Variants in MDN1 observed in about 807,000 individuals in gnomAD.
MDN1 encodes midasin.
A neutral mutation model predicts 669.2 loss-of-function variants in MDN1; 266 were observed. That is an observed-to-expected ratio of 0.40 (90% CI 0.36 to 0.44). The LOEUF (loss-of-function observed/expected upper bound fraction) is 0.44, where lower values mean the gene tolerates loss of function less well. Ranked by LOEUF, MDN1 falls within the 20% of genes least tolerant of loss-of-function variation. MDN1 has a pLI of 1.00. For missense variants in MDN1, 5,940 were observed against 6,754.0 expected (o/e 0.88, Z 4.22); for synonymous variants, 2,385 against 2,457.1 (o/e 0.97, Z 0.87).
At chr6:89,755,094 A>G (rs1340445578) in intron 20 of MDN1, among the ~76,000 whole-genome samples, 1 of 152,174 alleles carries the variant, frequency 6.6e-6, no homozygotes, top group Non-Finnish European at 1.5e-5. Context: ...AGGCACTTAT[A>G]AAAGTTTACC....
intron 1 of MDN1, among the ~76,000 whole-genome samples, chr6:89,816,439 A>G (rs975975036): frequency 0.071 from 10 of 140 alleles, no homozygotes; most frequent in Admixed American, 0.25. Context: ...TTTGGGGGAA[A>G]AAAAAAAATC....
intron 5 of MDN1, among the ~76,000 whole-genome samples, chr6:89,791,579 C>T (rs1193272498): frequency 6.6e-6 from 1 of 152,094 alleles, no homozygotes; most frequent in Non-Finnish European, 1.5e-5. Flanking sequence ...ATTCTTTCTA[C>T]TTTGGAATAT....
At chr6:89,678,030 T>C (rs1281071126) in intron 75 of MDN1, among the ~76,000 whole-genome samples, 1 of 152,202 alleles carries the variant, frequency 6.6e-6, no homozygotes, top group African/African-American at 2.4e-5. Context: ...TCCCAGCACT[T>C]TGGGAGGCTG....
intron 75 of MDN1, 122 bp from the exon 76 acceptor site, chr6:89,677,818 T>C (rs1275823659): frequency 1.3e-5 from 17 of 1,314,370 alleles, no homozygotes; most frequent in Non-Finnish European, 1.7e-5. Flanking sequence ...TTGTTAGAAA[T>C]GCAGACTCTC....
chr6:89,808,817 C>A lies in MDN1; in HGVS notation c.103-5263G>T, dbSNP rs538686416. Among the ~76,000 whole-genome samples, 7 of 152,290 alleles carry A rather than the reference C, an allele frequency of 4.6e-5. No homozygotes were observed. The East Asian group carries it at 1.2e-3, about 25-fold the overall frequency. Reference sequence around the variant, plus strand: ...AGGAATTCCAATCCTATGCTACCTACCTTTCATCCAATGTTTGAACGTTTT... The same window carrying A: ...AGGAATTCCAATCCTATGCTACCTAACTTTCATCCAATGTTTGAACGTTTT... On this transcript the variant is annotated intron_variant, in intron 1 of 101. Coordinates refer to ENST00000369393, the MANE Select transcript of MDN1 (RefSeq NM_014611.3).
intron 40 of MDN1, among the ~76,000 whole-genome samples, chr6:89,721,925 T>A (rs1419070698): frequency 1.3e-5 from 2 of 152,212 alleles, no homozygotes; most frequent in African/African-American, 4.8e-5. Flanking sequence ...TTCTAGTGCA[T>A]GCATCTATGT....
intron 1 of MDN1, among the ~76,000 whole-genome samples, chr6:89,817,703 T>C (rs1331029999): frequency 2.0e-5 from 3 of 152,110 alleles, no homozygotes; most frequent in Non-Finnish European, 4.4e-5. Context: ...CAGTCAACAA[T>C]AGTAGAGGGT....
chr6:89,738,795 GT>G (rs1816137227), intron 32 of MDN1, among the ~76,000 whole-genome samples: 1 of 152,002 alleles, frequency 6.6e-6, no homozygotes, highest in Non-Finnish European at 1.5e-5. Flanking sequence ...TTTGCATCAG[GT>G]ACCTAAATAA....
chr6:89,789,273 G>A lies in MDN1; in HGVS notation c.1230+507C>T, dbSNP rs1819130338. Among the ~76,000 whole-genome samples the A allele has an allele frequency of 2.6e-5, 4 of 152,168 alleles. No individual in the cohort carries two copies. In the South Asian group the frequency reaches 8.3e-4, roughly 32 times the overall value. ...CTCAATGGCTAATTTCTTACACACA[G>A]AAGTGGTCTTTTTACAAACCAAAAT... On this transcript the variant is annotated intron_variant, in intron 7 of 101. Transcript: ENST00000369393.
At chr6:89,768,134 T>G (rs543959067) in intron 15 of MDN1, among the ~76,000 whole-genome samples, 1 of 151,274 alleles carries the variant, frequency 6.6e-6, no homozygotes, top group Admixed American at 6.6e-5. Flanking sequence ...CTTTGGGAGG[T>G]TGACTGGGGA....
chr6:89,718,589 C>G lies in MDN1; in HGVS notation c.6360G>C (p.Lys2120Asn). Residue 2120 changes from lysine to asparagine, a missense_variant, in exon 43 of 102, where the codon AAG (lysine) becomes AAC (asparagine). Physicochemically the swap from Lys to Asn is moderately conservative, Grantham distance 94. Around this residue, in one of 5 missense-constraint regions of MDN1, gnomAD observed 2,292 missense variants for 2,638.3 expected, o/e 0.87. Transcript: ENST00000369393. The stretch of plus-strand genomic sequence containing the variant: ...ACAGTGCCCTTACAGTTCCCTCCAC[C>G]TTCTCTAGCAGCCTCCTCCAAGGTC... Reference protein sequence around the residue: ...LIRPWRRLLEKVEGTVRALLR... With the variant: ...LIRPWRRLLENVEGTVRALLR... 1 of 1,614,144 alleles carries G rather than the reference C, an allele frequency of 6.2e-7. No individual in the cohort carries two copies. Among genetic ancestry groups the G allele is most frequent in the Non-Finnish European group, 8.5e-7 (1 of 1,180,004 alleles).
intron 1 of MDN1, among the ~76,000 whole-genome samples, chr6:89,809,214 TCAA>T (rs1768213094): frequency 1.8e-5 from 1 of 54,566 alleles, no homozygotes. Flanking sequence ...AGACACTGTC[TCAA>T]AAAAAAAAAA....
At chr6:89,751,282 A>G (rs1011688452) in intron 23 of MDN1, 149 bp downstream of exon 23, 44 of 994,716 alleles carry the variant, frequency 4.4e-5, no homozygotes, top group Non-Finnish European at 5.9e-5. Flanking sequence ...CTACCAGGAA[A>G]AAGTTATAGT....
intron 21 of MDN1, 64 bp from the exon 22 acceptor site, chr6:89,753,686 TC>T: frequency 7.6e-7 from 1 of 1,319,544 alleles, no homozygotes. Context: ...CAAACTTATT[TC>T]CAGAACAAAA....
At chr6:89,714,518 A>C in intron 46 of MDN1, 25 bp downstream of exon 46, 2 of 1,543,748 alleles carry the variant, frequency 1.3e-6, no homozygotes, top group Non-Finnish European at 1.8e-6. Flanking sequence ...AAACTCTGCA[A>C]AGGCCCAAAA....
Position 89,794,551 on chromosome 6 carries a change from T to G in MDN1, c.554+26A>C, listed in dbSNP as rs191859621. The G allele has an allele frequency of 1.5e-4, 240 of 1,602,342 alleles. 1 individual carries two copies. In the Admixed American group the frequency reaches 4.0e-3, roughly 27 times the overall value. ...CCCTGTACCATCCCCACACTAGAAGTGCAAAAAAGTCTAACAGCTACGCAC... is the reference window on the plus strand; with the variant it reads ...CCCTGTACCATCCCCACACTAGAAGGGCAAAAAAGTCTAACAGCTACGCAC... On this transcript the variant is annotated intron_variant, in intron 3 of 101. Transcript: ENST00000369393.
chr6:89,729,262 G>T, intron 35 of MDN1, 123 bp from the exon 36 acceptor site: 1 of 732,854 alleles, frequency 1.4e-6, no homozygotes, highest in Non-Finnish European at 2.2e-6. Flanking sequence ...CATTTGCAGT[G>T]AAAATGTTCA....
intron 66 of MDN1, among the ~76,000 whole-genome samples, 170 bp downstream of exon 66, chr6:89,688,403 T>C (rs1812162674): frequency 6.6e-6 from 1 of 152,178 alleles, no homozygotes; most frequent in Non-Finnish European, 1.5e-5. Flanking sequence ...AATACAAAAC[T>C]GGTGTGTTCA....
In MDN1 at chr6:89,699,699, T is replaced by G; in HGVS notation, c.8899A>C (p.Asn2967His). The G allele has an allele frequency of 6.2e-7, 1 of 1,613,966 alleles. No individual in the cohort carries two copies. The highest frequency in any genetic ancestry group is 8.5e-7 in the Non-Finnish European group (1 of 1,179,926). ...GAGATGAGGTGACTTATCTCCTCAT[T>G]TATCTGGGGTTGTTGATTTTTGCTG... ...RCSKNQQPQI[N>H]EEISHLISFC... is the part of the protein sequence containing the mutation. Residue 2967 changes from asparagine to histidine, a missense_variant, in exon 58 of 102, where the codon AAT becomes CAT. This residue lies in a region of MDN1 where 2,292 missense variants were observed against 2,638.3 expected (regional missense o/e 0.87). Coordinates refer to ENST00000369393, the MANE Select transcript of MDN1 (RefSeq NM_014611.3).
Sources: gnomAD v4.1 joint callset for allele counts (sites outside exome capture counted in the v4.1 genomes callset) on GRCh38, gnomAD v4.1.1 for gene constraint, gnomAD v4.1.1 regional missense constraint, MANE v1.5 for transcripts, NCBI Gene and HGNC (gene_info 2026-07-23, HGNC 2026-07-21) for gene names.